The following PCDHAC1 variants were observed in gnomAD, a reference collection of about 807,000 sequenced individuals.
The protein encoded by PCDHAC1 is protocadherin alpha-C1.
In PCDHAC1, 42 loss-of-function variants were observed where a neutral mutation model predicts 60.0. The ratio of observed to expected loss-of-function variants is 0.70; its 90% CI spans 0.55 to 0.90. The LOEUF (loss-of-function observed/expected upper bound fraction) is 0.90. Ranked by LOEUF, PCDHAC1 falls within the 40% of genes least tolerant of loss-of-function variation. The pLI is 0.00. For missense variants in PCDHAC1, 1,160 were observed against 1,222.3 expected, an observed-to-expected ratio of 0.95 and a Z score of 0.76; for synonymous variants, 468 against 499.3, an observed-to-expected ratio of 0.94 and a Z score of 0.84.
intron 1 of PCDHAC1, chr5:140,968,169 G>A (rs781969621): frequency 6.8e-6 from 11 of 1,613,982 alleles, no homozygotes; most frequent in African/African-American, 1.3e-5. Context: ...AATCCACCAA[G>A]CTTCCTGGAG....
chr5:140,984,365 C>G (rs2097099251), intron 3 of PCDHAC1, among the ~76,000 whole-genome samples: 1 of 152,128 alleles, frequency 6.6e-6, no homozygotes. Flanking sequence ...TACATCTGGC[C>G]AAGTCCCTCT....
chr5:140,967,272 TAG>T, intron 1 of PCDHAC1: 1 of 1,613,412 alleles, frequency 6.2e-7, no homozygotes, highest in Non-Finnish European at 8.5e-7. Flanking sequence ...CGCTTTCACA[TAG>T]AGAGTGCGCA....
intron 3 of PCDHAC1, among the ~76,000 whole-genome samples, chr5:141,005,828 T>A (rs752447584): frequency 6.7e-6 from 1 of 149,690 alleles, no homozygotes; most frequent in African/African-American, 2.5e-5. Context: ...TGGCCTGTAG[T>A]CCCAGCCACT....
At chr5:140,975,940 G>A (rs562983011) in intron 1 of PCDHAC1, among the ~76,000 whole-genome samples, 1 of 152,216 alleles carries the variant, frequency 6.6e-6, no homozygotes, top group Admixed American at 6.5e-5. Flanking sequence ...TGAAGCAATA[G>A]GACATATTAG....
intron 1 of PCDHAC1, chr5:140,968,403 T>C (rs1554230673): frequency 6.2e-7 from 1 of 1,613,984 alleles, no homozygotes; most frequent in Non-Finnish European, 8.5e-7. Context: ...CGGGAGTTCT[T>C]TGTGACTGTG....
At chr5:140,945,481 C>T (rs269552) in intron 1 of PCDHAC1, among the ~76,000 whole-genome samples, 33,891 of 151,742 alleles carry the variant, frequency 0.22, 4,873 homozygotes, top group African/African-American at 0.41. Flanking sequence ...ACAAAACACC[C>T]CAAATACCCA....
intron 1 of PCDHAC1, chr5:140,967,256 G>T: frequency 6.2e-7 from 1 of 1,613,524 alleles, no homozygotes; most frequent in Non-Finnish European, 8.5e-7. Flanking sequence ...GGTGGCGCCT[G>T]GAGCGCGCTT....
chr5:140,978,661 T>A (rs1035787381), intron 1 of PCDHAC1, among the ~76,000 whole-genome samples: 15 of 152,246 alleles, frequency 9.9e-5, no homozygotes, highest in Admixed American at 9.8e-4. Context: ...CCGTAGTGTT[T>A]TAAGAACACA....
intron 1 of PCDHAC1, among the ~76,000 whole-genome samples, chr5:140,937,847 A>G (rs2091797551): frequency 6.8e-6 from 1 of 148,000 alleles, no homozygotes; most frequent in Non-Finnish European, 1.5e-5. Flanking sequence ...GGAAGGCGGA[A>G]CTTGGAGTGA....
intron 3 of PCDHAC1, among the ~76,000 whole-genome samples, chr5:140,986,774 A>G (rs1201484926): frequency 6.6e-6 from 1 of 152,226 alleles, no homozygotes; most frequent in Non-Finnish European, 1.5e-5. Context: ...TTAATTAGGT[A>G]GCGGAAGCCA....
At chr5:140,967,059 C>T in intron 1 of PCDHAC1, 1 of 1,612,750 alleles carries the variant, frequency 6.2e-7, no homozygotes, top group Non-Finnish European at 8.5e-7. Flanking sequence ...ACGAGTGGAG[C>T]GCTCTTCGTC....
chr5:140,929,736 T>A, intron 1 of PCDHAC1: 1 of 201,874 alleles, frequency 5.0e-6, no homozygotes, highest in Non-Finnish European at 1.1e-5. Context: ...CTTAAACTAT[T>A]GCAATGCATT....
At chr5:140,967,351 G>C in intron 1 of PCDHAC1, 1 of 1,608,106 alleles carries the variant, frequency 6.2e-7, no homozygotes, top group South Asian at 1.1e-5. Context: ...ACTTCGAGCT[G>C]GACCTTAAGC....
intron 1 of PCDHAC1, among the ~76,000 whole-genome samples, chr5:140,964,595 T>G (rs1233382494): frequency 6.6e-6 from 1 of 152,116 alleles, no homozygotes; most frequent in East Asian, 1.9e-4. Context: ...TCACTTTTCA[T>G]GACAACTTAC....
At chr5:140,936,628 T>C (rs1208761817) in intron 1 of PCDHAC1, among the ~76,000 whole-genome samples, 5 of 152,258 alleles carry the variant, frequency 3.3e-5, no homozygotes, top group Non-Finnish European at 7.3e-5. Flanking sequence ...GTGCTACCTT[T>C]GTCATAAGCA....
chr5:140,982,843 A>G (rs782122104), intron 3 of PCDHAC1, among the ~76,000 whole-genome samples: 1 of 152,090 alleles, frequency 6.6e-6, no homozygotes, highest in Non-Finnish European at 1.5e-5. Flanking sequence ...GTTTGTTTAA[A>G]TCAGGTACCT....
chr5:140,986,371 G>A (rs1453761888), intron 3 of PCDHAC1, among the ~76,000 whole-genome samples: 1 of 152,116 alleles, frequency 6.6e-6, no homozygotes, highest in African/African-American at 2.4e-5. Context: ...AATGCGTTTT[G>A]GGGGGAGGGA....
intron 1 of PCDHAC1, among the ~76,000 whole-genome samples, chr5:140,955,964 A>G (rs148345661): frequency 5.3e-5 from 8 of 152,256 alleles, no homozygotes; most frequent in African/African-American, 1.7e-4. Flanking sequence ...TTGTTTGTGC[A>G]TAGGAATGCT....
chr5:140,966,826 GC>G, intron 1 of PCDHAC1: 1 of 1,560,690 alleles, frequency 6.4e-7, no homozygotes, highest in Non-Finnish European at 8.6e-7. Flanking sequence ...GGCGGCCCAT[GC>G]CCTGGCTGCT....
Sources: gnomAD v4.1 joint callset for allele counts (sites outside exome capture counted in the v4.1 genomes callset) on GRCh38, gnomAD v4.1.1 for gene constraint, MANE v1.5 for transcripts, NCBI Gene and HGNC (gene_info 2026-07-23, HGNC 2026-07-21) for gene names.